RFTN2: variants seen among roughly 807,000 people sequenced by gnomAD.
RFTN2 encodes raftlin family member 2.
Under a neutral mutation model 52.7 loss-of-function variants are expected in RFTN2, and 34 were observed. That is an observed-to-expected ratio of 0.64 (90% CI 0.49 to 0.86). The LOEUF (loss-of-function observed/expected upper bound fraction) is 0.86, where lower values mean the gene tolerates loss of function less well. Ranked by LOEUF, RFTN2 falls within the 40% of genes least tolerant of loss-of-function variation. The pLI, the probability that RFTN2 is intolerant of heterozygous loss-of-function variation, is 0.00. For missense variants in RFTN2, 536 were observed against 600.1 expected (o/e 0.89, Z 1.12); for synonymous variants, 203 against 217.7 (o/e 0.93, Z 0.59).
chr2:197,592,384 G>A (rs918921101), intron 8 of RFTN2, among the ~76,000 whole-genome samples: 5 of 152,234 alleles, frequency 3.3e-5, no homozygotes, highest in African/African-American at 9.6e-5. Context: ...TAGTAGAGAA[G>A]GGGTTTTTCC....
At chr2:197,574,438 A>T (rs1330925761) in intron 8 of RFTN2, among the ~76,000 whole-genome samples, 3 of 152,092 alleles carry the variant, frequency 2.0e-5, no homozygotes, top group African/African-American at 7.2e-5. Flanking sequence ...AGATGTATTT[A>T]CCCAATGCCT....
rs970915860 is a variant in RFTN2, at chr2:197,569,801, G to C, written c.*2207C>G. 3.3e-5 allele frequency: 5 copies of C among 152,008 alleles called. No homozygotes were observed. The highest frequency in any genetic ancestry group is 1.2e-4 in the African/African-American group (5 of 41,348). 9.4% of individuals were successfully genotyped at this position (152,008 alleles called of 1,614,324 possible). A position where few individuals can be genotyped will look rare whatever the true frequency, so the allele number is the denominator to read the frequency against. ...CTACTAAAATTACAAAACTTAGCCAGGCATGGTGGTGCAGGCCTGTAATCC... is the reference window on the plus strand; with the variant it reads ...CTACTAAAATTACAAAACTTAGCCACGCATGGTGGTGCAGGCCTGTAATCC... On this transcript the variant is annotated 3_prime_UTR_variant, in exon 9 of 9. Coordinates refer to ENST00000295049, the MANE Select transcript of RFTN2 (RefSeq NM_144629.3).
intron 5 of RFTN2, among the ~76,000 whole-genome samples, chr2:197,630,807 C>T (rs2088456503): frequency 6.6e-6 from 1 of 152,124 alleles, no homozygotes; most frequent in South Asian, 2.1e-4. Context: ...ATATTTCTGC[C>T]CACACTCCTT....
At chr2:197,608,029 T>G (rs1279845362) in intron 7 of RFTN2, among the ~76,000 whole-genome samples, 1 of 152,214 alleles carries the variant, frequency 6.6e-6, no homozygotes, top group Admixed American at 6.5e-5. Context: ...CTGCAAAATT[T>G]AAATTAGTAA....
chr2:197,655,272 C>T (rs954820913), intron 1 of RFTN2, among the ~76,000 whole-genome samples: 19 of 152,138 alleles, frequency 1.2e-4, no homozygotes, highest in African/African-American at 1.7e-4. Flanking sequence ...AGAAATACCT[C>T]GTTTCTGGTG....
At chr2:197,647,779 A>C (rs1252578984) in intron 1 of RFTN2, among the ~76,000 whole-genome samples, 1 of 152,232 alleles carries the variant, frequency 6.6e-6, no homozygotes, top group African/African-American at 2.4e-5. Flanking sequence ...TTTAAATGCA[A>C]AATTGATTTG....
intron 8 of RFTN2, among the ~76,000 whole-genome samples, chr2:197,590,286 T>C (rs905835017): frequency 6.6e-6 from 1 of 152,180 alleles, no homozygotes; most frequent in Non-Finnish European, 1.5e-5. Context: ...TTAACTAAAA[T>C]GAATTCTCTT....
Position 197,596,027 on chromosome 2 carries a change from C to T in RFTN2, c.1197G>A (p.Arg399=), listed in dbSNP as rs1471286400. The change falls in exon 8 of 9, where the codon AGG becomes AGA. Residue 399 remains arginine (R), a synonymous_variant. Transcript: ENST00000295049. ...GAGCAGCTGAATTCCACATAACTGG[C>T]CTCTGAAGGAATACGATCTGCTTTG... ...LATKQIVFLQ[R]PVMWNSAAQT... is the part of the protein sequence containing the mutation. The T allele has an allele frequency of 1.9e-6, 3 of 1,612,424 alleles. No individual in the cohort carries two copies. The South Asian group carries it at 3.3e-5, about 18-fold the overall frequency.
intron 8 of RFTN2, among the ~76,000 whole-genome samples, chr2:197,585,176 T>A (rs764343564): frequency 6.6e-6 from 1 of 152,204 alleles, no homozygotes; most frequent in African/African-American, 2.4e-5. Flanking sequence ...ATAACCCTCA[T>A]GAGCCTAATA....
At chr2:197,629,501 G>A (rs917392354) in intron 5 of RFTN2, among the ~76,000 whole-genome samples, 1 of 151,840 alleles carries the variant, frequency 6.6e-6, no homozygotes, top group Admixed American at 6.6e-5. Context: ...TGTAAATGAC[G>A]ATTTGATGGG....
Position 197,662,507 on chromosome 2 carries a change from C to T in RFTN2, c.139+12813G>A, listed in dbSNP as rs1559367908. The stretch of plus-strand genomic sequence containing the variant: ...TACCATGCTGTTTGGCTACTATAAC[C>T]TTCTAATATATTTGAAAGTCAGGTA... On this transcript the variant is annotated intron_variant, in intron 1 of 8. Coordinates refer to ENST00000295049, the MANE Select transcript of RFTN2 (RefSeq NM_144629.3). Among the ~76,000 whole-genome samples the T allele has an allele frequency of 2.0e-5, 3 of 152,292 alleles. No individual in the cohort carries two copies. In the East Asian group the frequency reaches 5.8e-4, roughly 29 times the overall value.
At chr2:197,661,706 A>G (rs2088979661) in intron 1 of RFTN2, among the ~76,000 whole-genome samples, 1 of 152,090 alleles carries the variant, frequency 6.6e-6, no homozygotes. Flanking sequence ...TTTTTGAGAA[A>G]TCTCTACACT....
At chr2:197,622,655 G>A (rs2088287395) in intron 5 of RFTN2, among the ~76,000 whole-genome samples, 1 of 152,180 alleles carries the variant, frequency 6.6e-6, no homozygotes, top group Non-Finnish European at 1.5e-5. Flanking sequence ...AGTGGAAGAC[G>A]TCATCCAGGA....
At chr2:197,585,542 C>T (rs2087582713) in intron 8 of RFTN2, among the ~76,000 whole-genome samples, 1 of 152,156 alleles carries the variant, frequency 6.6e-6, no homozygotes, top group Admixed American at 6.5e-5. Context: ...CTCTTATTCT[C>T]ATTCCCATTC....
chr2:197,586,113 A>T (rs926198837), intron 8 of RFTN2, among the ~76,000 whole-genome samples: 9 of 152,208 alleles, frequency 5.9e-5, no homozygotes, highest in African/African-American at 2.2e-4. Flanking sequence ...ACTTAAAAAC[A>T]TTAGCAGTAA....
chr2:197,601,042 C>T (rs1045230170), intron 7 of RFTN2, among the ~76,000 whole-genome samples: 13 of 152,088 alleles, frequency 8.5e-5, no homozygotes, highest in East Asian at 1.9e-4. Flanking sequence ...GTGGTCAGCA[C>T]GAGGGCACAG....
Position 197,653,549 on chromosome 2 carries a change from TA to T in RFTN2, c.140-6884del, listed in dbSNP as rs774420200. 6.7e-3 allele frequency among the ~76,000 whole-genome samples: 941 copies of T among 140,476 alleles called. 1 individual carries two copies. Among genetic ancestry groups the T allele is most frequent in the Middle Eastern group, 0.011 (3 of 272 alleles). 92.2% of individuals were successfully genotyped at this position (140,476 alleles called of 152,430 possible). ...ATTAAAAAATATCTATCTGGTTAGT[TA>T]AAAAAAAAAAAAGGCTAAAACAATA... On this transcript the variant is annotated intron_variant, in intron 1 of 8. Coordinates refer to ENST00000295049, the MANE Select transcript of RFTN2 (RefSeq NM_144629.3).
At chr2:197,589,915 C>G (rs1378409694) in intron 8 of RFTN2, among the ~76,000 whole-genome samples, 1 of 151,378 alleles carries the variant, frequency 6.6e-6, no homozygotes, top group East Asian at 1.9e-4. Context: ...TGTCTAAAAA[C>G]TTTTTTTTTG....
intron 8 of RFTN2, among the ~76,000 whole-genome samples, chr2:197,575,882 T>C (rs2087408409): frequency 1.5e-5 from 2 of 134,074 alleles, no homozygotes; most frequent in South Asian, 4.3e-4. Context: ...TTATATATTA[T>C]ATATAATATA....
Sources: allele counts gnomAD v4.1 joint callset (sites outside exome capture counted in the v4.1 genomes callset), GRCh38; gene constraint gnomAD v4.1.1; transcripts MANE v1.5; gene names NCBI Gene and HGNC (gene_info 2026-07-23, HGNC 2026-07-21).